Variants in TEAD4 observed in about 807,000 individuals in gnomAD.
The protein encoded by TEAD4 is TEA domain transcription factor 4, also known as transcriptional enhancer factor TEF-3.
Under a neutral mutation model 52.4 loss-of-function variants are expected in TEAD4, and 36 were observed. The observed-to-expected ratio is 0.69, with a 90% CI of 0.53 to 0.91. TEAD4 has a LOEUF of 0.91. Among genes scored for constraint, TEAD4 ranks in the 40% least tolerant of loss-of-function variants. TEAD4 has a pLI of 0.00. For synonymous variants in TEAD4, 220 were observed against 231.0 expected (o/e 0.95, Z 0.43); for missense variants, 508 against 583.9 (o/e 0.87, Z 1.34).
intron 2 of TEAD4, among the ~76,000 whole-genome samples, chr12:2,989,908 G>C (rs1349440149): frequency 6.6e-6 from 1 of 152,118 alleles, no homozygotes; most frequent in Non-Finnish European, 1.5e-5. Flanking sequence ...TGAATTATTG[G>C]AGTCATGTCT....
At chr12:2,984,918 G>T (rs1368451995) in intron 2 of TEAD4, among the ~76,000 whole-genome samples, 2 of 152,068 alleles carry the variant, frequency 1.3e-5, no homozygotes, top group Non-Finnish European at 2.9e-5. Context: ...GCTACTGTAG[G>T]CTTGACTGTA....
At chr12:3,037,164 T>C (rs564190302) in intron 10 of TEAD4, among the ~76,000 whole-genome samples, 1 of 152,316 alleles carries the variant, frequency 6.6e-6, no homozygotes, top group East Asian at 1.9e-4. Flanking sequence ...AGAGGACCAG[T>C]GTCTGGGCCT....
intron 9 of TEAD4, 142 bp downstream of exon 9, chr12:3,020,915 C>G (rs2098268258): frequency 2.2e-6 from 2 of 903,334 alleles, no homozygotes; most frequent in African/African-American, 3.5e-5. Flanking sequence ...GCCCTTCCCC[C>G]CACTCCTCCT....
Position 2,991,477 on chromosome 12 carries a change from C to A in TEAD4, c.-29-3261C>A, listed in dbSNP as rs570602307. Among the ~76,000 whole-genome samples, 579 of 152,244 alleles carry A rather than the reference C, an allele frequency of 3.8e-3. 1 individual carries two copies. Among genetic ancestry groups the A allele is most frequent in the Middle Eastern group, 0.014 (4 of 294 alleles). On this transcript the variant is annotated intron_variant, in intron 2 of 12. Coordinates refer to ENST00000359864, the MANE Select transcript of TEAD4 (RefSeq NM_003213.4). Reference sequence around the variant, plus strand: ...AGGAATTTGAGACCAGCCTGGCCAACGTGGCGAAACCCCGTCTCTACTAAA... The same window carrying A: ...AGGAATTTGAGACCAGCCTGGCCAAAGTGGCGAAACCCCGTCTCTACTAAA...
At chr12:3,023,050 C>T (rs1265598202) in intron 10 of TEAD4, among the ~76,000 whole-genome samples, 1 of 152,218 alleles carries the variant, frequency 6.6e-6, no homozygotes, top group African/African-American at 2.4e-5. Context: ...CAGCTCCCAG[C>T]CTGGCTCTCA....
At chr12:3,034,906 C>T (rs1438846168) in intron 10 of TEAD4, among the ~76,000 whole-genome samples, 7 of 151,692 alleles carry the variant, frequency 4.6e-5, no homozygotes, top group South Asian at 2.1e-4. Context: ...CCAGCCTGGC[C>T]GATATGGTGA....
intron 2 of TEAD4, among the ~76,000 whole-genome samples, chr12:2,962,319 T>TATATAAAA (rs1565518177): frequency 1.0e-5 from 1 of 95,434 alleles, no homozygotes; most frequent in Non-Finnish European, 1.9e-5. Context: ...TATATAAATA[T>TATATAAAA]ATATATAAAT....
chr12:2,971,304 G>A (rs184237567), intron 2 of TEAD4, among the ~76,000 whole-genome samples: 8 of 152,190 alleles, frequency 5.3e-5, no homozygotes, highest in South Asian at 4.2e-4. Flanking sequence ...TCTGACAAGC[G>A]TGTATATGTG....
chr12:2,984,864 A>G (rs1430536191), intron 2 of TEAD4, among the ~76,000 whole-genome samples: 2 of 152,186 alleles, frequency 1.3e-5, no homozygotes, highest in Admixed American at 1.3e-4. Flanking sequence ...CAGGACTGGA[A>G]GCTGCTCTGG....
chr12:2,980,771 A>G (rs2098233537), intron 2 of TEAD4, among the ~76,000 whole-genome samples: 1 of 150,812 alleles, frequency 6.6e-6, no homozygotes, highest in African/African-American at 2.4e-5. Flanking sequence ...AGGTCAAAGA[A>G]GCATCATGGC....
intron 2 of TEAD4, among the ~76,000 whole-genome samples, chr12:2,962,278 A>G (rs1254728288): frequency 7.4e-6 from 1 of 134,538 alleles, no homozygotes; most frequent in East Asian, 2.1e-4. Flanking sequence ...ATATATATTT[A>G]TATATATTTA....
At chr12:3,021,078 G>T (rs942593332) in intron 9 of TEAD4, among the ~76,000 whole-genome samples, 15 of 151,910 alleles carry the variant, frequency 9.9e-5, no homozygotes, top group Middle Eastern at 3.4e-3. Context: ...GGTTGCTCTG[G>T]TCCCAGCCCC....
chr12:2,974,046 C>T (rs1356535089), intron 2 of TEAD4, among the ~76,000 whole-genome samples: 3 of 152,214 alleles, frequency 2.0e-5, no homozygotes, highest in Admixed American at 2.0e-4. Flanking sequence ...CTCACTCTGT[C>T]GCCCAGACCG....
At chr12:3,029,992 G>C (rs73248858) in intron 10 of TEAD4, among the ~76,000 whole-genome samples, 5,858 of 152,164 alleles carry the variant, frequency 0.038, 298 homozygotes, top group African/African-American at 0.12. Context: ...TTGGTCACAA[G>C]TGTTCTGGTA....
At chr12:2,960,258 G>A in intron 2 of TEAD4, 2 of 983,890 alleles carry the variant, frequency 2.0e-6, no homozygotes, top group Non-Finnish European at 2.4e-6. Context: ...AAGGACCGGA[G>A]AGGCAGAACC....
Position 3,018,679 on chromosome 12 carries a change from GTGCTGGGGCCGC to G in TEAD4, c.527+100_527+111del, listed in dbSNP as rs2098266384. 2.6e-6 allele frequency: 4 copies of G among 1,525,750 alleles called. No individual in the cohort carries two copies. The East Asian group carries it at 6.8e-5, about 26-fold the overall frequency. 94.5% of individuals were successfully genotyped at this position (1,525,750 alleles called of 1,614,324 possible). ...TGGCATTAAGCCTGGGCCCCAGGGT[GTGCTGGGGCCGC>G]TGCTGGGGTCGGCCTTTCAGGATGG... On this transcript the variant is annotated intron_variant, in intron 7 of 12. Transcript: ENST00000359864.
At chr12:3,020,384 CG>C (rs3837514) in intron 8 of TEAD4, among the ~76,000 whole-genome samples, 98,287 of 151,948 alleles carry the variant, frequency 0.65, 34,709 homozygotes, top group East Asian at 0.78. Flanking sequence ...TCTTGCTCGG[CG>C]GTTCCATGCA....
In TEAD4 at chr12:3,021,897, C is replaced by T. The variant is rs903431864; in HGVS notation, c.777C>T (p.Asp259=). ...GCCAGTCCAGCCCAAGCTACAGCGA[C>T]CCCTACCTCGAAGCCGTGGACATCC... is the stretch of plus-strand genomic sequence containing the variant. Residue 259 remains aspartate, a synonymous_variant, in exon 10 of 13, where the codon GAC becomes GAT. Transcript: ENST00000359864. The T allele has an allele frequency of 5.6e-6, 9 of 1,614,128 alleles. No individual in the cohort carries two copies. The highest frequency in any genetic ancestry group is 6.8e-6 in the Non-Finnish European group (8 of 1,180,052).
Position 3,010,519 on chromosome 12 carries a change from G to A in TEAD4, c.227-485G>A, listed in dbSNP as rs114148019. ...TCCAGCAGTTGCACCCCCCATGCCCGCTGCTGCCTGCAGACAGGACAAGAA... is the reference window on the plus strand; with the variant it reads ...TCCAGCAGTTGCACCCCCCATGCCCACTGCTGCCTGCAGACAGGACAAGAA... On this transcript the variant is annotated intron_variant, in intron 3 of 12. Coordinates refer to ENST00000359864, the MANE Select transcript of TEAD4 (RefSeq NM_003213.4). Among the ~76,000 whole-genome samples the A allele has an allele frequency of 3.8e-3, 577 of 152,306 alleles. 2 individuals are homozygous for A. The highest frequency in any genetic ancestry group is 0.013 in the African/African-American group (552 of 41,562).
Sources: allele counts gnomAD v4.1 joint callset (sites outside exome capture counted in the v4.1 genomes callset), GRCh38; gene constraint gnomAD v4.1.1; transcripts MANE v1.5; gene names NCBI Gene and HGNC (gene_info 2026-07-23, HGNC 2026-07-21).